TANC2: variants seen among roughly 807,000 people sequenced by gnomAD.
TANC2 encodes tetratricopeptide repeat, ankyrin repeat and coiled-coil containing 2.
TANC2 carries 26 observed loss-of-function variants against 210.5 expected under a neutral mutation model. That is an observed-to-expected ratio of 0.12 (90% confidence interval 0.09 to 0.17). TANC2 has a LOEUF of 0.17. TANC2 is among the 10% of genes least tolerant of loss of function. TANC2 has a pLI of 1.00. For missense variants in TANC2, 2,129 were observed against 2,608.9 expected, an observed-to-expected ratio of 0.82 and a Z score of 4.01; for synonymous variants, 931 against 967.1, an observed-to-expected ratio of 0.96 and a Z score of 0.69.
At chr17:62,993,011 C>T (rs1343024277) in intron 1 of TANC2, among the ~76,000 whole-genome samples, 2 of 152,214 alleles carry the variant, frequency 1.3e-5, no homozygotes. Flanking sequence ...ATCTGCGTTA[C>T]TTGGCTTGTG....
At position 63,314,391 on chromosome 17, in the gene TANC2, G is replaced by A. The variant is rs774755576; in HGVS notation, c.1163G>A (p.Arg388His). 26 of 1,613,394 alleles carry A rather than the reference G, an allele frequency of 1.6e-5. No individual in the cohort carries two copies. Among genetic ancestry groups the A allele is most frequent in the Non-Finnish European group, 1.9e-5 (23 of 1,179,602 alleles). Residue 388 changes from arginine to histidine, a missense_variant, in exon 10 of 28, where the codon CGC becomes CAC. By Grantham distance (29) the Arg-to-His change is conservative (BLOSUM62 0). Around this residue, in one of 5 missense-constraint regions of TANC2, gnomAD observed 739 missense variants for 848.0 expected, o/e 0.87. Coordinates refer to ENST00000689528, the Ensembl canonical transcript of TANC2. The stretch of plus-strand genomic sequence containing the variant: ...TGCATTCTCTTGTTCCTTTCAGTTC[G>A]CTTTGCACCTTATAGGCCTCCAGAT...
At chr17:63,109,547 C>T (rs1427767257) in intron 4 of TANC2, among the ~76,000 whole-genome samples, 1 of 151,492 alleles carries the variant, frequency 6.6e-6, no homozygotes, top group African/African-American at 2.4e-5. Flanking sequence ...AGTCATCAGA[C>T]CTAGATGATT....
intron 2 of TANC2, among the ~76,000 whole-genome samples, chr17:63,045,009 T>C (rs781551459): frequency 7.9e-5 from 12 of 152,336 alleles, no homozygotes; most frequent in Non-Finnish European, 1.6e-4. Flanking sequence ...CCAGCCTGTG[T>C]GGCCTGTGAG....
intron 1 of TANC2, among the ~76,000 whole-genome samples, chr17:63,003,877 C>G (rs919338917): frequency 6.6e-6 from 1 of 152,004 alleles, no homozygotes; most frequent in African/African-American, 2.4e-5. Flanking sequence ...AATAGTGAGA[C>G]AGTCTGTTTT....
intron 11 of TANC2, chr17:63,331,886 GTGTGTATT>G (rs1250642831): frequency 4.6e-6 from 1 of 215,438 alleles, no homozygotes; most frequent in Non-Finnish European, 9.0e-6. Flanking sequence ...GTGTGTGTGT[GTGTGTATT>G]TATTTATATT....
intron 7 of TANC2, among the ~76,000 whole-genome samples, chr17:63,213,614 A>G (rs1033783819): frequency 2.0e-5 from 3 of 152,240 alleles, no homozygotes; most frequent in African/African-American, 4.8e-5. Context: ...TATACTATCA[A>G]TGAATACATT....
intron 19 of TANC2, among the ~76,000 whole-genome samples, chr17:63,400,346 G>T (rs761465291): frequency 3.8e-4 from 58 of 152,142 alleles, no homozygotes; most frequent in Non-Finnish European, 7.5e-4. Flanking sequence ...TTCAAGAAGG[G>T]CGTGAATTAA....
At chr17:63,043,766 A>G (rs1206484300) in intron 2 of TANC2, among the ~76,000 whole-genome samples, 1 of 152,148 alleles carries the variant, frequency 6.6e-6, no homozygotes, top group African/African-American at 2.4e-5. Flanking sequence ...TCCCTTTTCA[A>G]TCATTTAGAT....
intron 7 of TANC2, among the ~76,000 whole-genome samples, chr17:63,225,901 T>A (rs2042315497): frequency 6.6e-6 from 1 of 152,224 alleles, no homozygotes; most frequent in Admixed American, 6.5e-5. Context: ...ATTTAGAACT[T>A]CTATTTTGAA....
chr17:63,009,724 C>T (rs2033781797), intron 2 of TANC2, 98 bp downstream of exon 2: 2 of 1,002,410 alleles, frequency 2.0e-6, no homozygotes, highest in Admixed American at 4.5e-5. Flanking sequence ...TAATGCTTAA[C>T]TTAGAACTTA....
intron 14 of TANC2, among the ~76,000 whole-genome samples, chr17:63,376,925 C>G (rs1377563367): frequency 6.6e-6 from 1 of 151,208 alleles, no homozygotes; most frequent in Non-Finnish European, 1.5e-5. Flanking sequence ...TCATGCCATT[C>G]TCCTGCCTCA....
At chr17:63,011,239 G>A (rs914742104) in intron 2 of TANC2, among the ~76,000 whole-genome samples, 3 of 151,788 alleles carry the variant, frequency 2.0e-5, no homozygotes, top group African/African-American at 7.3e-5. Context: ...GTGTGTGTGT[G>A]TGTTTTTTTT....
At chr17:63,082,149 C>T (rs533225732) in intron 3 of TANC2, among the ~76,000 whole-genome samples, 42 of 152,036 alleles carry the variant, frequency 2.8e-4, no homozygotes, top group Middle Eastern at 3.4e-3. Flanking sequence ...CCAGCCTGGG[C>T]GACAGAGCGA....
At chr17:63,339,345 C>T (rs959591903) in intron 11 of TANC2, among the ~76,000 whole-genome samples, 15 of 152,136 alleles carry the variant, frequency 9.9e-5, no homozygotes, top group African/African-American at 3.1e-4. Context: ...AAGAGAACAG[C>T]CAGAAGACCT....
intron 14 of TANC2, among the ~76,000 whole-genome samples, chr17:63,375,313 G>A (rs1038128164): frequency 2.6e-5 from 4 of 152,206 alleles, no homozygotes; most frequent in Non-Finnish European, 5.9e-5. Context: ...TGTATTGCTT[G>A]CTGTTTCTCC....
rs948663767 is a variant in TANC2, at chr17:63,207,211, CTTTTTTTTT to C, written c.769+6268_769+6276del. Among the ~76,000 whole-genome samples the C allele has an allele frequency of 3.4e-3, 389 of 113,798 alleles. 1 individual carries two copies. The highest frequency in any genetic ancestry group is 0.013 in the African/African-American group (371 of 28,084). 74.7% of individuals were successfully genotyped at this position (113,798 alleles called of 152,430 possible). ...ATTTATGCAAATTTCTTTTTTTTTC[CTTTTTTTTT>C]TTTTTTTTTTTTTGAGACAGAGTCT... is the stretch of plus-strand genomic sequence containing the variant. On this transcript the variant is annotated intron_variant, in intron 7 of 27. Transcript: ENST00000689528.
intron 17 of TANC2, among the ~76,000 whole-genome samples, chr17:63,394,224 T>C (rs2048083349): frequency 6.6e-6 from 1 of 152,244 alleles, no homozygotes; most frequent in South Asian, 2.1e-4. Flanking sequence ...TGCTATGAAG[T>C]CATGGATATT....
intron 21 of TANC2, among the ~76,000 whole-genome samples, chr17:63,407,004 G>A (rs1184779483): frequency 6.6e-6 from 1 of 152,204 alleles, no homozygotes; most frequent in African/African-American, 2.4e-5. Context: ...TAGTAAACTG[G>A]ACGCAAATGT....
intron 5 of TANC2, among the ~76,000 whole-genome samples, chr17:63,183,922 CAGG>C (rs962325318): frequency 2.0e-5 from 3 of 151,750 alleles, no homozygotes; most frequent in African/African-American, 7.3e-5. Flanking sequence ...AAGGCTGAGG[CAGG>C]AGAATGGCGT....
Sources: allele counts gnomAD v4.1 joint callset (sites outside exome capture counted in the v4.1 genomes callset), GRCh38; gene constraint gnomAD v4.1.1; regional missense constraint gnomAD v4.1.1; transcripts MANE v1.5; gene names NCBI Gene and HGNC (gene_info 2026-07-23, HGNC 2026-07-21).